ABI2: variants seen among roughly 807,000 people sequenced by gnomAD.
ABI2 encodes the protein abl interactor 2, also known as abelson interactor 2.
A neutral mutation model predicts 59.2 loss-of-function variants in ABI2; 25 were observed. The observed-to-expected ratio is 0.42, with a 90% CI of 0.31 to 0.59. ABI2 has a LOEUF of 0.59. ABI2 is among the 20% of genes least tolerant of loss of function. ABI2 has a pLI of 0.14. For synonymous variants in ABI2, 213 were observed against 235.5 expected, an observed-to-expected ratio of 0.90 and a Z score of 0.87; for missense variants, 545 against 681.8, an observed-to-expected ratio of 0.80 and a Z score of 2.23.
chr2:203,425,697 ACACTGATCTCTTCCTAG>A (rs2098407746), intron 11 of ABI2, among the ~76,000 whole-genome samples: 3 of 152,242 alleles, frequency 2.0e-5, no homozygotes, highest in Admixed American at 6.5e-5. Flanking sequence ...TGAGAAATGC[ACACTGATCTCTTCCTAG>A]CAAGGATCTT....
At position 203,417,084 on chromosome 2, in the gene ABI2, A is replaced by T. The variant is rs1335912533; in HGVS notation, c.1453+3A>T. ...TCCACGTTCTTACTTGGAAAAGGGT[A>T]AGTTTCAGAAGGATATCTGGATAGA... On this transcript the variant is annotated splice_donor_region_variant and intron_variant, in intron 11 of 11. Coordinates refer to ENST00000261018, the MANE Select transcript of ABI2 (RefSeq NM_001375670.1). The T allele has an allele frequency of 6.2e-7, 1 of 1,606,966 alleles. No homozygotes were observed. The highest frequency in any genetic ancestry group is 8.5e-7 in the Non-Finnish European group (1 of 1,176,716).
At chr2:203,379,846 G>A (rs556577203) in intron 2 of ABI2, among the ~76,000 whole-genome samples, 7 of 152,214 alleles carry the variant, frequency 4.6e-5, no homozygotes, top group Middle Eastern at 3.4e-3. Context: ...GCAAGTGAGC[G>A]GCATGGCTGT....
chr2:203,388,796 G>A (rs1490334799), intron 4 of ABI2, among the ~76,000 whole-genome samples: 1 of 152,032 alleles, frequency 6.6e-6, no homozygotes, highest in Non-Finnish European at 1.5e-5. Flanking sequence ...AGAAGATACT[G>A]CAATTTAAAC....
chr2:203,422,540 C>T (rs2098262345), intron 11 of ABI2, among the ~76,000 whole-genome samples: 2 of 152,110 alleles, frequency 1.3e-5, no homozygotes, highest in Non-Finnish European at 2.9e-5. Flanking sequence ...AGTTTCCTGG[C>T]TCCACAGAAG....
intron 1 of ABI2, among the ~76,000 whole-genome samples, chr2:203,365,025 C>T (rs191358040): frequency 2.0e-5 from 3 of 152,154 alleles, no homozygotes; most frequent in Admixed American, 6.5e-5. Flanking sequence ...TGAACTGCCA[C>T]GCCTGGCCAG....
At chr2:203,357,157 A>G (rs1373123462) in intron 1 of ABI2, among the ~76,000 whole-genome samples, 1 of 152,220 alleles carries the variant, frequency 6.6e-6, no homozygotes, top group Non-Finnish European at 1.5e-5. Flanking sequence ...ATGTAAGCAT[A>G]TATAGTCCAG....
At chr2:203,407,823 T>C (rs2097494188) in intron 9 of ABI2, among the ~76,000 whole-genome samples, 1 of 152,222 alleles carries the variant, frequency 6.6e-6, no homozygotes, top group Admixed American at 6.5e-5. Flanking sequence ...TAGAACTGAA[T>C]ATTGCAACAA....
chr2:203,353,650 C>T (rs2090244566), intron 1 of ABI2, among the ~76,000 whole-genome samples: 1 of 151,880 alleles, frequency 6.6e-6, no homozygotes, highest in Non-Finnish European at 1.5e-5. Context: ...TGGCTGGTGG[C>T]TCATTCCTGT....
chr2:203,403,746 T>TTG (rs1369638712), intron 9 of ABI2, among the ~76,000 whole-genome samples: 2 of 143,364 alleles, frequency 1.4e-5, no homozygotes, highest in Non-Finnish European at 3.1e-5. Context: ...CTTTCTGTTT[T>TTG]TTTTTTTTTT....
intron 1 of ABI2, among the ~76,000 whole-genome samples, chr2:203,360,703 A>G (rs1220799180): frequency 6.6e-6 from 1 of 152,218 alleles, no homozygotes; most frequent in Admixed American, 6.5e-5. Context: ...CTGTGAAACA[A>G]CAGATGATGA....
At chr2:203,332,548 C>G (rs1257417191) in intron 1 of ABI2, among the ~76,000 whole-genome samples, 3 of 152,172 alleles carry the variant, frequency 2.0e-5, no homozygotes, top group Admixed American at 2.0e-4. Context: ...TCACTTGAAC[C>G]TGGGAAGCGG....
chr2:203,415,276 C>T (rs1183713413), intron 10 of ABI2, among the ~76,000 whole-genome samples: 1 of 152,082 alleles, frequency 6.6e-6, no homozygotes, highest in Non-Finnish European at 1.5e-5. Flanking sequence ...GATAAGACAG[C>T]ATGGTGTTGA....
chr2:203,427,292 T>C lies in ABI2; in HGVS notation c.1569T>C (p.Asn523=). The change falls in exon 12 of 12, where the codon AAT becomes AAC. Residue 523 remains asparagine (N), a synonymous_variant. Coordinates refer to ENST00000261018, the MANE Select transcript of ABI2 (RefSeq NM_001375670.1). ...NDDGWYEGVM[N]GVTGLFPGNY... ...ATGGTTGGTATGAGGGAGTTATGAA[T>C]GGAGTGACTGGGCTTTTTCCTGGGA... 6.2e-7 allele frequency: 1 copy of C among 1,614,078 alleles called. No individual in the cohort carries two copies. The highest frequency in any genetic ancestry group is 8.5e-7 in the Non-Finnish European group (1 of 1,179,992).
intron 1 of ABI2, chr2:203,355,114 G>T: frequency 2.9e-6 from 1 of 347,078 alleles, no homozygotes; most frequent in Non-Finnish European, 6.3e-6. Context: ...TTTCCTCTTT[G>T]ATGTAGATCC....
chr2:203,404,597 C>G (rs939865411), intron 9 of ABI2, among the ~76,000 whole-genome samples: 2 of 152,150 alleles, frequency 1.3e-5, no homozygotes. Context: ...CTTGCTCTGT[C>G]ACCCAGGCTG....
At chr2:203,342,660 G>T (rs1575963608) in intron 1 of ABI2, among the ~76,000 whole-genome samples, 1 of 151,572 alleles carries the variant, frequency 6.6e-6, no homozygotes, top group Admixed American at 6.6e-5. Context: ...GCTCACTGCA[G>T]CCTCTGCCTC....
intron 8 of ABI2, among the ~76,000 whole-genome samples, chr2:203,398,741 C>T (rs995064447): frequency 1.3e-5 from 2 of 152,074 alleles, no homozygotes; most frequent in African/African-American, 4.8e-5. Flanking sequence ...CTGGTAAGCC[C>T]TTGATGTGTT....
intron 1 of ABI2, among the ~76,000 whole-genome samples, chr2:203,339,497 C>A (rs553578878): frequency 6.6e-6 from 1 of 150,562 alleles, no homozygotes; most frequent in Non-Finnish European, 1.5e-5. Flanking sequence ...AGGAGAATTG[C>A]TTGAACCCGG....
intron 1 of ABI2, among the ~76,000 whole-genome samples, chr2:203,339,103 A>G (rs1353741563): frequency 1.3e-5 from 2 of 149,702 alleles, no homozygotes; most frequent in African/African-American, 5.0e-5. Context: ...CAGGCGTCCA[A>G]CAGGTATGTG....
Sources: gnomAD v4.1 joint callset for allele counts (sites outside exome capture counted in the v4.1 genomes callset) on GRCh38, gnomAD v4.1.1 for gene constraint, MANE v1.5 for transcripts, NCBI Gene and HGNC (gene_info 2026-07-23, HGNC 2026-07-21) for gene names.